The following ERI3 variants were observed in gnomAD, a reference collection of about 807,000 sequenced individuals.
ERI3 encodes the protein ERI1 exoribonuclease family member 3, also known as ERI1 exoribonuclease 3.
In ERI3, 18 loss-of-function variants were observed where a neutral mutation model predicts 44.4. The ratio of observed to expected loss-of-function variants is 0.41; its 90% CI spans 0.28 to 0.60. The LOEUF (loss-of-function observed/expected upper bound fraction) is 0.60, where lower values mean the gene tolerates loss of function less well. ERI3 is among the 20% of genes least tolerant of loss of function. ERI3 has a pLI of 0.36. For missense variants in ERI3, 294 were observed against 435.5 expected, an observed-to-expected ratio of 0.68 and a Z score of 2.89; for synonymous variants, 183 against 164.8, an observed-to-expected ratio of 1.11 and a Z score of -0.84.
chr1:44,286,115 G>C (rs1190821588), intron 6 of ERI3, among the ~76,000 whole-genome samples: 1 of 152,196 alleles, frequency 6.6e-6, no homozygotes, highest in Non-Finnish European at 1.5e-5. Context: ...CACTAAGATA[G>C]ATCCAAAGAA....
rs535656730 is a variant in ERI3, at chr1:44,329,785, T to A, written c.489+9260A>T. ...GCTCTGCCTGTTATGTTCTCCCTGA[T>A]ACGGATCTTCTACTCAGAGTACCCC... On this transcript the variant is annotated intron_variant, in intron 3 of 8. Transcript: ENST00000372257. Among the ~76,000 whole-genome samples the A allele has an allele frequency of 9.2e-5, 14 of 152,342 alleles. 1 individual carries two copies. In the South Asian group the frequency reaches 2.7e-3, roughly 29 times the overall value.
chr1:44,317,649 T>G (rs572458994), intron 4 of ERI3, among the ~76,000 whole-genome samples: 1 of 152,168 alleles, frequency 6.6e-6, no homozygotes, highest in East Asian at 1.9e-4. Context: ...GACAGATAAA[T>G]AATTATAGTA....
chr1:44,314,913 G>C (rs928916156), intron 4 of ERI3, among the ~76,000 whole-genome samples: 1 of 152,158 alleles, frequency 6.6e-6, no homozygotes, highest in Non-Finnish European at 1.5e-5. Flanking sequence ...TTCCAGAGCC[G>C]CAAACCGAGC....
chr1:44,221,210 G>A lies in ERI3; in HGVS notation c.*348C>T. The A allele has an allele frequency of 2.9e-6, 1 of 350,104 alleles. No individual in the cohort carries two copies. 21.7% of individuals were successfully genotyped at this position (350,104 alleles called of 1,614,324 possible). A position where few individuals can be genotyped will look rare whatever the true frequency, so the allele number is the denominator to read the frequency against. On this transcript the variant is annotated 3_prime_UTR_variant, in exon 9 of 9. Transcript: ENST00000372257. This position sits in a 1 kb window ranked among gnomAD's most constrained non-coding sequence, Gnocchi z 5.9. ...CACCACACACCATGCACTATGGATGGGAGGGGGCACAGGAGGGGCTTGGTG... is the reference window on the plus strand; with the variant it reads ...CACCACACACCATGCACTATGGATGAGAGGGGGCACAGGAGGGGCTTGGTG...
intron 6 of ERI3, among the ~76,000 whole-genome samples, chr1:44,288,396 G>A (rs1477649716): frequency 6.6e-6 from 1 of 152,144 alleles, no homozygotes; most frequent in Middle Eastern, 3.2e-3. Context: ...AATGTAGCAG[G>A]GCCCAGCCCC....
chr1:44,272,726 A>T (rs1000636392), intron 7 of ERI3, among the ~76,000 whole-genome samples: 1 of 152,018 alleles, frequency 6.6e-6, no homozygotes, highest in African/African-American at 2.4e-5. Flanking sequence ...CTGTAATCCC[A>T]GCTACTCTGG....
At chr1:44,343,039 A>G (rs1440913701) in intron 2 of ERI3, among the ~76,000 whole-genome samples, 2 of 150,896 alleles carry the variant, frequency 1.3e-5, no homozygotes, top group African/African-American at 4.9e-5. Flanking sequence ...ATTCCCCACT[A>G]AAAGAAACAG....
intron 7 of ERI3, among the ~76,000 whole-genome samples, chr1:44,279,517 T>C (rs992285299): frequency 6.6e-6 from 1 of 152,184 alleles, no homozygotes; most frequent in African/African-American, 2.4e-5. Flanking sequence ...TAAGCCACCA[T>C]GCCTGGTCTT....
At chr1:44,307,459 G>T (rs1487932952) in intron 6 of ERI3, among the ~76,000 whole-genome samples, 1 of 152,072 alleles carries the variant, frequency 6.6e-6, no homozygotes, top group Non-Finnish European at 1.5e-5. Flanking sequence ...AATACTTGCT[G>T]CTACCTTCAG....
intron 8 of ERI3, among the ~76,000 whole-genome samples, chr1:44,229,907 C>T (rs964191183): frequency 1.3e-5 from 2 of 152,158 alleles, no homozygotes; most frequent in African/African-American, 2.4e-5. Flanking sequence ...GAGTTGGGGA[C>T]CACAGGACAA....
chr1:44,233,922 T>C (rs1230378640), intron 8 of ERI3, among the ~76,000 whole-genome samples: 1 of 152,168 alleles, frequency 6.6e-6, no homozygotes, highest in Middle Eastern at 3.2e-3. Context: ...TCTCTAATGA[T>C]CCCTATGACT....
intron 7 of ERI3, among the ~76,000 whole-genome samples, chr1:44,272,404 T>C (rs1425571391): frequency 6.6e-6 from 1 of 152,194 alleles, no homozygotes; most frequent in East Asian, 1.9e-4. Context: ...GCTCTTCCTT[T>C]GCACAGCAGT....
chr1:44,256,451 C>T (rs1188412054), intron 7 of ERI3, among the ~76,000 whole-genome samples: 1 of 152,206 alleles, frequency 6.6e-6, no homozygotes, highest in African/African-American at 2.4e-5. Context: ...TGGACACTTG[C>T]ATCAGGTGAC....
intron 3 of ERI3, 69 bp from the exon 4 acceptor site, chr1:44,319,813 A>C: frequency 6.1e-6 from 7 of 1,154,864 alleles, no homozygotes; most frequent in Non-Finnish European, 9.1e-6. Context: ...CAGTAGCTCC[A>C]AGTCAACAAA....
At chr1:44,348,681 T>A (rs1460065205) in intron 2 of ERI3, among the ~76,000 whole-genome samples, 3 of 152,208 alleles carry the variant, frequency 2.0e-5, no homozygotes, top group Non-Finnish European at 4.4e-5. Context: ...ACCAAATGGA[T>A]AATGTGGGAC....
chr1:44,226,612 CA>C (rs1365102453), intron 8 of ERI3, among the ~76,000 whole-genome samples: 1 of 151,886 alleles, frequency 6.6e-6, no homozygotes, highest in Non-Finnish European at 1.5e-5. Context: ...TAGGACAGCA[CA>C]GGGGGAGCAT....
At chr1:44,239,303 G>A (rs1280078018) in intron 8 of ERI3, among the ~76,000 whole-genome samples, 1 of 152,200 alleles carries the variant, frequency 6.6e-6, no homozygotes, top group Non-Finnish European at 1.5e-5. Flanking sequence ...TGGGGTGTGT[G>A]ACACTGCTGT....
chr1:44,232,300 G>A (rs1176057810), intron 8 of ERI3, among the ~76,000 whole-genome samples: 1 of 152,202 alleles, frequency 6.6e-6, no homozygotes, highest in Admixed American at 6.5e-5. Context: ...TGGGAAGTTG[G>A]TAACCGTTTT....
Position 44,221,100 on chromosome 1 carries a change from TCC to T in ERI3, c.*456_*457del, listed in dbSNP as rs1452652336. The T allele has an allele frequency of 7.5e-6, 2 of 265,302 alleles. No homozygotes were observed. The highest frequency in any genetic ancestry group is 1.0e-4 in the Admixed American group (2 of 20,068). The allele number at this position is 265,302 out of a possible 1,614,324, so 16.4% of individuals were successfully genotyped here. A position where few individuals can be genotyped will look rare whatever the true frequency, so the allele number is the denominator to read the frequency against. On this transcript the variant is annotated 3_prime_UTR_variant, in exon 9 of 9. Transcript: ENST00000372257. The surrounding 1 kb of genome is among the most constrained non-coding windows in gnomAD (Gnocchi z 5.9). The stretch of plus-strand genomic sequence containing the variant: ...TTGCACACACACCCAGTGCCTCGTT[TCC>T]CCGACTTTATTCAGTGGCACGTTCA...
Sources: allele counts gnomAD v4.1 joint callset (sites outside exome capture counted in the v4.1 genomes callset), GRCh38; gene constraint gnomAD v4.1.1; non-coding constraint Gnocchi (gnomAD v3.1); transcripts MANE v1.5; gene names NCBI Gene and HGNC (gene_info 2026-07-23, HGNC 2026-07-21).